RPUSD1: variants seen among roughly 807,000 people sequenced by gnomAD.
The protein encoded by RPUSD1 is pseudouridylate synthase RPUSD1.
Under a neutral mutation model 22.4 loss-of-function variants are expected in RPUSD1, and 28 were observed. The ratio of observed to expected loss-of-function variants is 1.25; its 90% CI spans 0.93 to 1.72. RPUSD1 has a LOEUF of 1.72. Ranked by LOEUF, RPUSD1 falls within the 40% of genes most tolerant of loss-of-function variation. The pLI, the probability that RPUSD1 is intolerant of heterozygous loss-of-function variation, is 0.00. For missense variants in RPUSD1, 596 were observed against 442.2 expected, an observed-to-expected ratio of 1.35 and a Z score of -3.12; for synonymous variants, 298 against 201.0, an observed-to-expected ratio of 1.48 and a Z score of -4.08.
Position 785,299 on chromosome 16 carries a change from G to C in RPUSD1, c.*651C>G, listed in dbSNP as rs576573087. On this transcript the variant is annotated 3_prime_UTR_variant, in exon 6 of 6. Coordinates refer to ENST00000007264, the MANE Select transcript of RPUSD1 (RefSeq NM_058192.3). The stretch of plus-strand genomic sequence containing the variant: ...AAACACCACACTGAGCTCAGAATCC[G>C]GGCAGAGAGGGAACCACTGGTACAG... 1 of 152,636 alleles carries C rather than the reference G, an allele frequency of 6.6e-6. No homozygotes were observed. The highest frequency in any genetic ancestry group is 6.5e-5 in the Admixed American group (1 of 15,310). 9.5% of individuals were successfully genotyped at this position (152,636 alleles called of 1,614,324 possible). A position where few individuals can be genotyped will look rare whatever the true frequency, so the allele number is the denominator to read the frequency against.
In RPUSD1 at chr16:785,734, ACGGCCG is replaced by A; in HGVS notation, c.*210_*215del. ...GCCCTCGGGATCCCGCATCAGTCCC[ACGGCCG>A]CGGTGCGGTCGTCACCTGTGATCAC... is the stretch of plus-strand genomic sequence containing the variant. On this transcript the variant is annotated 3_prime_UTR_variant, in exon 6 of 6. Coordinates refer to ENST00000007264, the MANE Select transcript of RPUSD1 (RefSeq NM_058192.3). 2.4e-6 allele frequency: 1 copy of A among 424,688 alleles called. No individual in the cohort carries two copies. Among genetic ancestry groups the A allele is most frequent in the Non-Finnish European group, 4.1e-6 (1 of 245,528 alleles). The allele number at this position is 424,688 out of a possible 1,614,324, so 26.3% of individuals were successfully genotyped here.
rs777211783 is a variant in RPUSD1, at chr16:787,183, C to G, written c.307-4G>C. The G allele has an allele frequency of 6.2e-7, 1 of 1,600,560 alleles. No individual in the cohort carries two copies. The highest frequency in any genetic ancestry group is 1.1e-5 in the South Asian group (1 of 90,084). On this transcript the variant is annotated splice_polypyrimidine_tract_variant and splice_region_variant and intron_variant, in intron 3 of 5. Transcript: ENST00000007264. ...TCTCCTGGATGTGCCCCCGCAGCTG[C>G]AGGAGAGGGAGAATCGCACGCAGTT...
Position 787,372 on chromosome 16 carries a change from G to C in RPUSD1, c.288C>G (p.Thr96=), listed in dbSNP as rs746041772. 3.2e-6 allele frequency: 5 copies of C among 1,587,230 alleles called. No homozygotes were observed. The highest frequency in any genetic ancestry group is 4.3e-6 in the Non-Finnish European group (5 of 1,167,460). ...GTCTTACCAATGCCAGGTAAGCCTTGGTCACGCGCCGCTCCTTGAAGCACC... is the reference window on the plus strand; with the variant it reads ...GTCTTACCAATGCCAGGTAAGCCTTCGTCACGCGCCGCTCCTTGAAGCACC... ...AYRCFKERRV[T]KAYLALLRGH... is the part of the protein sequence containing the mutation. The change falls in exon 3 of 6, where the codon ACC becomes ACG. Residue 96 remains threonine (T), a synonymous_variant. Transcript: ENST00000007264.
At chr16:787,774 G>C (rs780296106) in intron 1 of RPUSD1, 30 bp from the exon 2 acceptor site, 1 of 1,596,142 alleles carries the variant, frequency 6.3e-7, no homozygotes, top group Non-Finnish European at 8.5e-7. Context: ...TGCGTGTGCT[G>C]TGAGCACGTG....
chr16:786,049 G>A lies in RPUSD1; in HGVS notation c.840C>T (p.Gly280=). Residue 280 remains glycine, a synonymous_variant, in exon 6 of 6, where the codon GGC becomes GGT. Coordinates refer to ENST00000007264, the MANE Select transcript of RPUSD1 (RefSeq NM_058192.3). ...GCTTGGTTGGGGGTGGAGGAGGCCG[G>A]CCGGGCCCAGGCAGGAGTGCGGAGG... ...GSPSALLPGP[G]RPPPPPTKPP... is the part of the protein sequence containing the mutation. The A allele has an allele frequency of 6.6e-7, 1 of 1,523,164 alleles. No individual in the cohort carries two copies. The allele number at this position is 1,523,164 out of a possible 1,614,324, so 94.4% of individuals were successfully genotyped here.
chr16:787,342 A>C lies in RPUSD1; in HGVS notation c.306+12T>G. 1 of 1,579,626 alleles carries C rather than the reference A, an allele frequency of 6.3e-7. No homozygotes were observed. ...GTCCCCACGCCCCACCCCAGGACTG[A>C]CCAGGTCTTACCAATGCCAGGTAAG... On this transcript the variant is annotated intron_variant, in intron 3 of 5. Transcript: ENST00000007264.
rs779675430 is a variant in RPUSD1, at chr16:787,635, G to A, written c.103C>T (p.Arg35Trp). 97 of 1,611,964 alleles carry A rather than the reference G, an allele frequency of 6.0e-5. No homozygotes were observed. Among genetic ancestry groups the A allele is most frequent in the Non-Finnish European group, 7.5e-5 (88 of 1,179,978 alleles). The change falls in exon 2 of 6, where the codon CGG becomes TGG. Residue 35 changes from arginine (R) to tryptophan (W), a missense_variant. Transcript: ENST00000007264. ...TGCTTCTGCAGGGTCAGAGTCTCCC[G>A]CCACGCCTTGCTGTCAATGCGAACG... ...WDVRIDSKAW[R>W]ETLTLQKQLR...
At position 787,751 on chromosome 16, in the gene RPUSD1, AG is replaced by A; in HGVS notation, c.-7-8del. 1 of 1,606,294 alleles carries A rather than the reference AG, an allele frequency of 6.2e-7. No individual in the cohort carries two copies. The highest frequency in any genetic ancestry group is 8.5e-7 in the Non-Finnish European group (1 of 1,178,684). On this transcript the variant is annotated splice_region_variant and splice_polypyrimidine_tract_variant and intron_variant, in intron 1 of 5. Coordinates refer to ENST00000007264, the MANE Select transcript of RPUSD1 (RefSeq NM_058192.3). ...GCCTGGCTCCATGGCCGGCCTGCCG[AG>A]CCACGCGTGGGTGCGTGTGCTGTGA...
Position 787,353 on chromosome 16 carries a change from C to G in RPUSD1, c.306+1G>C. On this transcript the variant is annotated splice_donor_variant, in intron 3 of 5. Coordinates refer to ENST00000007264, the MANE Select transcript of RPUSD1 (RefSeq NM_058192.3). LOFTEE classifies it high-confidence loss of function. Reference sequence around the variant, plus strand: ...CCACCCCAGGACTGACCAGGTCTTACCAATGCCAGGTAAGCCTTGGTCACG... The same window carrying G: ...CCACCCCAGGACTGACCAGGTCTTAGCAATGCCAGGTAAGCCTTGGTCACG... The G allele has an allele frequency of 6.3e-7, 1 of 1,583,454 alleles. No individual in the cohort carries two copies. Among genetic ancestry groups the G allele is most frequent in the Non-Finnish European group, 8.6e-7 (1 of 1,165,522 alleles).
At chr16:786,728 C>T in intron 5 of RPUSD1, 99 bp downstream of exon 5, 2 of 989,554 alleles carry the variant, frequency 2.0e-6, no homozygotes, top group Non-Finnish European at 3.3e-6. Context: ...TTGTTGCCAG[C>T]TCTGCCCTGA....
At position 787,004 on chromosome 16, in the gene RPUSD1, C is replaced by A. The variant is rs1457610029; in HGVS notation, c.409+73G>T. The A allele has an allele frequency of 3.8e-6, 6 of 1,564,720 alleles. No individual in the cohort carries two copies. In the East Asian group the frequency reaches 1.1e-4, roughly 30 times the overall value. On this transcript the variant is annotated intron_variant, in intron 4 of 5. Coordinates refer to ENST00000007264, the MANE Select transcript of RPUSD1 (RefSeq NM_058192.3). ...GGCCCACCCCAACGCACGATGCCCG[C>A]CCGGTGGGTCCCTGCCTGCCCAGGC...
chr16:787,376 A>C lies in RPUSD1; in HGVS notation c.284T>G (p.Val95Gly). The C allele has an allele frequency of 6.3e-7, 1 of 1,587,144 alleles. No homozygotes were observed. ...SAYRCFKERR[V>G]TKAYLALLRG... ...TACCAATGCCAGGTAAGCCTTGGTC[A>C]CGCGCCGCTCCTTGAAGCACCTGTA... is the stretch of plus-strand genomic sequence containing the variant. The change falls in exon 3 of 6, where the codon GTG (valine) becomes GGG (glycine). Residue 95 changes from valine to glycine, a missense_variant. By Grantham distance (109) the Val-to-Gly change is moderately radical. Transcript: ENST00000007264.
rs577498081 is a variant in RPUSD1 at position 786,528 on chromosome 16, G to A, written c.512-151C>T. On this transcript the variant is annotated intron_variant, in intron 5 of 5. Transcript: ENST00000007264. ...TCTCCCTGTCCCCTGCCATGAGTGA[G>A]GATGACAGTATTTAGGACAGAAGAT... 9.9e-4 allele frequency: 787 copies of A among 792,584 alleles called. 12 individuals carry two copies. In the South Asian group the frequency reaches 0.012, roughly 12 times the overall value. 49.1% of individuals were successfully genotyped at this position (792,584 alleles called of 1,614,324 possible).
rs767081705 is a variant in RPUSD1 at position 787,337 on chromosome 16, G to A, written c.306+17C>T. Reference sequence around the variant, plus strand: ...CCTGAGTCCCCACGCCCCACCCCAGGACTGACCAGGTCTTACCAATGCCAG... The same window carrying A: ...CCTGAGTCCCCACGCCCCACCCCAGAACTGACCAGGTCTTACCAATGCCAG... On this transcript the variant is annotated intron_variant, in intron 3 of 5. Transcript: ENST00000007264. 2.4e-5 allele frequency: 38 copies of A among 1,576,294 alleles called. No individual in the cohort carries two copies. Among genetic ancestry groups the A allele is most frequent in the Middle Eastern group, 2.0e-4 (1 of 5,076 alleles).
rs2041914302 is a variant in RPUSD1 at position 786,416 on chromosome 16, G to A, written c.512-39C>T. Reference sequence around the variant, plus strand: ...GCGGTGCCGGATCAAGCTGGGAGCGGGGCCGATCCACACCTATCTCCCTGA... The same window carrying A: ...GCGGTGCCGGATCAAGCTGGGAGCGAGGCCGATCCACACCTATCTCCCTGA... On this transcript the variant is annotated intron_variant, in intron 5 of 5. Coordinates refer to ENST00000007264, the MANE Select transcript of RPUSD1 (RefSeq NM_058192.3). The A allele has an allele frequency of 2.0e-5, 31 of 1,572,008 alleles. No homozygotes were observed. In the East Asian group the frequency reaches 2.0e-4, roughly 10 times the overall value.
chr16:788,266 G>T lies in RPUSD1; in HGVS notation c.-18C>A. ...CACGCCAAGACCAACCTGCTGCCGG[G>T]CCGTGCAGTCCAGGCCCCCGATGCC... On this transcript the variant is annotated 5_prime_UTR_variant, in exon 1 of 6. Coordinates refer to ENST00000007264, the MANE Select transcript of RPUSD1 (RefSeq NM_058192.3). The T allele has an allele frequency of 2.7e-6, 1 of 367,430 alleles. No individual in the cohort carries two copies. Among genetic ancestry groups the T allele is most frequent in the Non-Finnish European group, 5.2e-6 (1 of 191,402 alleles). 22.8% of individuals were successfully genotyped at this position (367,430 alleles called of 1,614,324 possible). A position where few individuals can be genotyped will look rare whatever the true frequency, so the allele number is the denominator to read the frequency against.
rs767273286 is a variant in RPUSD1, at chr16:786,114, C to T, written c.775G>A (p.Asp259Asn). ...QLVQALRATP[D>N]PDPEDRGPRP... ...GGGCCCCTATCCTCGGGGTCAGGGTCGGGGGTGGCCCGTAAGGCCTGCACG... is the reference window on the plus strand; with the variant it reads ...GGGCCCCTATCCTCGGGGTCAGGGTTGGGGGTGGCCCGTAAGGCCTGCACG... Residue 259 changes from aspartate to asparagine, a missense_variant, in exon 6 of 6, where the codon GAC (aspartate) becomes AAC (asparagine). Coordinates refer to ENST00000007264, the MANE Select transcript of RPUSD1 (RefSeq NM_058192.3). 62 of 1,595,230 alleles carry T rather than the reference C, an allele frequency of 3.9e-5. 1 individual carries two copies. The highest frequency in any genetic ancestry group is 1.7e-4 in the South Asian group (15 of 90,348).
chr16:786,711 G>A (rs749850115), intron 5 of RPUSD1, 116 bp downstream of exon 5: 41 of 881,016 alleles, frequency 4.7e-5, no homozygotes, highest in South Asian at 3.3e-4. Context: ...TAAGAACGCA[G>A]GAGTGCTTGT....
Position 785,751 on chromosome 16 carries a change from G to T in RPUSD1, c.*199C>A. 2.3e-6 allele frequency: 1 copy of T among 440,120 alleles called. No homozygotes were observed. The highest frequency in any genetic ancestry group is 3.5e-5 in the East Asian group (1 of 28,728). The allele number at this position is 440,120 out of a possible 1,614,324, so 27.3% of individuals were successfully genotyped here. A position where few individuals can be genotyped will look rare whatever the true frequency, so the allele number is the denominator to read the frequency against. ...TCAGTCCCACGGCCGCGGTGCGGTC[G>T]TCACCTGTGATCACGGCTGCCTGGC... On this transcript the variant is annotated 3_prime_UTR_variant, in exon 6 of 6. Coordinates refer to ENST00000007264, the MANE Select transcript of RPUSD1 (RefSeq NM_058192.3).
Sources: allele counts gnomAD v4.1 joint callset, GRCh38; gene constraint gnomAD v4.1.1; transcripts MANE v1.5; gene names NCBI Gene and HGNC (gene_info 2026-07-23, HGNC 2026-07-21).